Variants in FIP1L1 observed in about 807,000 individuals in gnomAD.
The protein encoded by FIP1L1 is factor interacting with PAPOLA and CPSF1, also known as pre-mRNA 3'-end-processing factor FIP1.
In FIP1L1, 21 loss-of-function variants were observed where a neutral mutation model predicts 84.6. The ratio of observed to expected loss-of-function variants is 0.25; its 90% CI spans 0.18 to 0.36. The LOEUF (loss-of-function observed/expected upper bound fraction) is 0.36. Ranked by LOEUF, FIP1L1 falls within the 10% of genes least tolerant of loss-of-function variation. The pLI is 1.00. For synonymous variants in FIP1L1, 263 were observed against 242.3 expected (o/e 1.09, Z -0.80); for missense variants, 526 against 751.1 (o/e 0.70, Z 3.50).
intron 9 of FIP1L1, among the ~76,000 whole-genome samples, chr4:53,394,829 T>G (rs2149429358): frequency 6.6e-6 from 1 of 152,192 alleles, no homozygotes; most frequent in Admixed American, 6.5e-5. Flanking sequence ...AATAGCTACA[T>G]AGTTTATTAT....
chr4:53,391,457 C>T lies in FIP1L1; in HGVS notation c.664C>T (p.Pro222Ser), dbSNP rs1449323490. ...CGAAGACTGTACTATGGAAGTTACA[C>T]CAGGTGCAGAGATCCAAGATGGCAG... The part of the protein sequence containing the change: ...TAEDCTMEVT[P>S]GAEIQDGRFN... The change falls in exon 9 of 18, where the codon CCA becomes TCA. Residue 222 changes from proline to serine, a missense_variant. By Grantham distance (74) the Pro-to-Ser change is moderately conservative. Transcript: ENST00000337488. 3 of 1,613,156 alleles carry T rather than the reference C, an allele frequency of 1.9e-6. No homozygotes were observed. The highest frequency in any genetic ancestry group is 1.7e-6 in the Non-Finnish European group (2 of 1,179,264).
At chr4:53,447,024 A>G (rs992456582) in intron 15 of FIP1L1, among the ~76,000 whole-genome samples, 18 of 152,118 alleles carry the variant, frequency 1.2e-4, no homozygotes, top group African/African-American at 4.3e-4. Flanking sequence ...TAAGAAGTAA[A>G]TAGAAGAAAG....
chr4:53,397,932 G>A (rs973678325), intron 9 of FIP1L1, among the ~76,000 whole-genome samples: 1 of 152,182 alleles, frequency 6.6e-6, no homozygotes, highest in African/African-American at 2.4e-5. Flanking sequence ...CATGAAAGAA[G>A]TTACATAGAA....
intron 5 of FIP1L1, among the ~76,000 whole-genome samples, chr4:53,386,159 A>G (rs1196988370): frequency 3.3e-5 from 5 of 151,958 alleles, no homozygotes; most frequent in East Asian, 3.9e-4. Flanking sequence ...TTTGTTACCT[A>G]TCTCTGTGAG....
chr4:53,401,396 T>A (rs1158278208), intron 10 of FIP1L1, among the ~76,000 whole-genome samples: 2 of 152,198 alleles, frequency 1.3e-5, no homozygotes, highest in Admixed American at 6.5e-5. Flanking sequence ...ATAATCTGAT[T>A]TAGGTTTGTA....
At chr4:53,387,919 T>C (rs1252783950) in intron 5 of FIP1L1, among the ~76,000 whole-genome samples, 1 of 152,200 alleles carries the variant, frequency 6.6e-6, no homozygotes, top group African/African-American at 2.4e-5. Flanking sequence ...TTCCTCAGCC[T>C]AGAACCATAC....
chr4:53,390,343 C>A (rs1038647803), intron 6 of FIP1L1, among the ~76,000 whole-genome samples, 178 bp from the exon 7 acceptor site: 2 of 152,094 alleles, frequency 1.3e-5, no homozygotes, highest in African/African-American at 4.8e-5. Flanking sequence ...TTAGGCTCTG[C>A]TTTGTTTGGA....
chr4:53,442,831 C>G, intron 14 of FIP1L1, 124 bp downstream of exon 14: 1 of 585,614 alleles, frequency 1.7e-6, no homozygotes, highest in Non-Finnish European at 3.0e-6. Context: ...ATTTATAAAT[C>G]TAGATCTATG....
chr4:53,411,399 C>G (rs1757165693), intron 10 of FIP1L1, among the ~76,000 whole-genome samples: 1 of 152,190 alleles, frequency 6.6e-6, no homozygotes, highest in Admixed American at 6.5e-5. Flanking sequence ...GTAGCCACAA[C>G]TCATTAGGAA....
intron 17 of FIP1L1, 52 bp from the exon 18 acceptor site, chr4:53,459,250 C>T (rs1001718525): frequency 1.5e-5 from 20 of 1,320,296 alleles, no homozygotes; most frequent in Non-Finnish European, 2.0e-5. Context: ...ATTTTTGTCA[C>T]TGATTGTGTA....
At position 53,417,200 on chromosome 4, in the gene FIP1L1, G is replaced by A. The variant is rs1759862734; in HGVS notation, c.923+2478G>A. On this transcript the variant is annotated intron_variant, in intron 11 of 17. Coordinates refer to ENST00000337488, the MANE Select transcript of FIP1L1 (RefSeq NM_030917.4). ...GACACATCTCAGTGCTTTATGTATAGCAACTCCATCTATACCTACTTCTCT... is the reference window on the plus strand; with the variant it reads ...GACACATCTCAGTGCTTTATGTATAACAACTCCATCTATACCTACTTCTCT... Among the ~76,000 whole-genome samples, 3 of 152,048 alleles carry A rather than the reference G, an allele frequency of 2.0e-5. No homozygotes were observed. In the South Asian group the frequency reaches 6.2e-4, roughly 32 times the overall value.
chr4:53,409,497 C>T (rs59213600), intron 10 of FIP1L1, among the ~76,000 whole-genome samples: 19,699 of 152,172 alleles, frequency 0.13, 2,545 homozygotes, highest in African/African-American at 0.32. Flanking sequence ...TCTCCAGCTG[C>T]GTGCTGGGAG....
In FIP1L1 at chr4:53,390,646, T is replaced by A. The variant is rs1200219854; in HGVS notation, c.505+18T>A. 1.3e-6 allele frequency: 2 copies of A among 1,503,296 alleles called. No individual in the cohort carries two copies. Among genetic ancestry groups the A allele is most frequent in the African/African-American group, 2.8e-5 (2 of 71,376 alleles). The allele number at this position is 1,503,296 out of a possible 1,614,324, so 93.1% of individuals were successfully genotyped here. On this transcript the variant is annotated intron_variant, in intron 7 of 17. Transcript: ENST00000337488. Reference sequence around the variant, plus strand: ...TAAACCTGGTAAGATTATTGTGGATTATATTAATTTCAATATTTTCAGTGT... The same window carrying A: ...TAAACCTGGTAAGATTATTGTGGATAATATTAATTTCAATATTTTCAGTGT...
At chr4:53,418,468 G>A (rs568701830) in intron 11 of FIP1L1, among the ~76,000 whole-genome samples, 1 of 152,284 alleles carries the variant, frequency 6.6e-6, no homozygotes, top group Non-Finnish European at 1.5e-5. Context: ...ATGTATAACA[G>A]TGGCATTTTA....
intron 16 of FIP1L1, among the ~76,000 whole-genome samples, chr4:53,454,481 C>T (rs75759578): frequency 6.6e-6 from 1 of 152,118 alleles, no homozygotes; most frequent in African/African-American, 2.4e-5. Context: ...AATGGAATTG[C>T]ATCCTTTAAT....
intron 13 of FIP1L1, among the ~76,000 whole-genome samples, chr4:53,441,449 A>G (rs1771903285): frequency 6.6e-6 from 1 of 151,966 alleles, no homozygotes; most frequent in African/African-American, 2.4e-5. Flanking sequence ...CAAAGGAATC[A>G]TTTGTGTCTT....
intron 9 of FIP1L1, among the ~76,000 whole-genome samples, chr4:53,393,236 AC>A (rs1442539364): frequency 6.6e-6 from 1 of 152,224 alleles, no homozygotes; most frequent in African/African-American, 2.4e-5. Flanking sequence ...CTGTTGCCAT[AC>A]TATGGGACTA....
At chr4:53,399,685 A>C (rs762937480) in intron 9 of FIP1L1, 45 bp from the exon 10 acceptor site, 4 of 1,209,916 alleles carry the variant, frequency 3.3e-6, no homozygotes, top group Admixed American at 1.9e-5. Context: ...ATTATGTTTG[A>C]GTGTTCTGTT....
chr4:53,448,521 G>A (rs1775126276), intron 15 of FIP1L1, among the ~76,000 whole-genome samples: 1 of 152,034 alleles, frequency 6.6e-6, no homozygotes, highest in Admixed American at 6.5e-5. Context: ...AATGCTCTTT[G>A]AAGCAATTTA....
Sources: allele counts gnomAD v4.1 joint callset (sites outside exome capture counted in the v4.1 genomes callset), GRCh38; gene constraint gnomAD v4.1.1; transcripts MANE v1.5; gene names NCBI Gene and HGNC (gene_info 2026-07-23, HGNC 2026-07-21).